Variants in TRPM3 observed in about 807,000 individuals in gnomAD.
The protein encoded by TRPM3 is transient receptor potential cation channel subfamily M member 3, also known as long transient receptor potential channel 3.
Under a neutral mutation model 181.2 loss-of-function variants are expected in TRPM3, and 77 were observed. The ratio of observed to expected loss-of-function variants is 0.42; its 90% CI spans 0.35 to 0.51. TRPM3 has a LOEUF of 0.51. Among genes scored for constraint, TRPM3 ranks in the 20% least tolerant of loss-of-function variants. The pLI, the probability that TRPM3 is intolerant of heterozygous loss-of-function variation, is 0.01. For synonymous variants in TRPM3, 745 were observed against 796.4 expected (o/e 0.94, Z 1.09); for missense variants, 1,759 against 2,196.7 (o/e 0.80, Z 3.98).
chr9:70,846,018 T>C (rs879421375), intron 4 of TRPM3, among the ~76,000 whole-genome samples: 2 of 152,190 alleles, frequency 1.3e-5, no homozygotes, highest in Non-Finnish European at 2.9e-5. Flanking sequence ...AAACTTGAAA[T>C]TGTGTAAAGG....
At chr9:70,558,798 C>T (rs1467461634) in intron 22 of TRPM3, among the ~76,000 whole-genome samples, 1 of 152,174 alleles carries the variant, frequency 6.6e-6, no homozygotes, top group East Asian at 1.9e-4. Flanking sequence ...TACATCTATG[C>T]AGCAGTGGCA....
At chr9:71,204,947 G>A (rs557884205) in intron 1 of TRPM3, among the ~76,000 whole-genome samples, 11 of 152,114 alleles carry the variant, frequency 7.2e-5, no homozygotes, top group South Asian at 4.2e-4. Context: ...ATCATTCTCC[G>A]TAAACTATCG....
intron 1 of TRPM3, among the ~76,000 whole-genome samples, chr9:71,070,838 GCTT>G (rs2062667902): frequency 6.6e-6 from 1 of 152,122 alleles, no homozygotes; most frequent in Admixed American, 6.5e-5. Flanking sequence ...TGGGGCTGGA[GCTT>G]TTTTCAACAC....
intron 9 of TRPM3, among the ~76,000 whole-genome samples, chr9:70,667,599 G>A (rs545212729): frequency 6.6e-6 from 1 of 152,300 alleles, no homozygotes; most frequent in African/African-American, 2.4e-5. Context: ...GCTTTGCAGA[G>A]TAGAGGAGAG....
At chr9:71,372,097 A>C (rs1231348742) in intron 1 of TRPM3, among the ~76,000 whole-genome samples, 1 of 152,058 alleles carries the variant, frequency 6.6e-6, no homozygotes, top group Non-Finnish European at 1.5e-5. Flanking sequence ...CTGTTACTGC[A>C]TTAGTTTGCT....
chr9:70,651,450 T>C (rs2059587648), intron 9 of TRPM3, among the ~76,000 whole-genome samples: 1 of 152,214 alleles, frequency 6.6e-6, no homozygotes, highest in African/African-American at 2.4e-5. Flanking sequence ...CCTGTAAGCA[T>C]GGCTTATCTG....
chr9:71,411,096 C>T (rs927326182), intron 1 of TRPM3, among the ~76,000 whole-genome samples: 8 of 152,158 alleles, frequency 5.3e-5, no homozygotes, highest in Admixed American at 1.3e-4. Context: ...ATTGATGGGA[C>T]GTATTTCAAA....
chr9:70,602,876 C>T (rs17055375), intron 20 of TRPM3, among the ~76,000 whole-genome samples: 2,509 of 152,216 alleles, frequency 0.016, 73 homozygotes, highest in African/African-American at 0.055. Flanking sequence ...CCAGCAGGTA[C>T]GAGCAGAATG....
chr9:70,652,742 A>G (rs1360610465), intron 9 of TRPM3, among the ~76,000 whole-genome samples: 1 of 152,220 alleles, frequency 6.6e-6, no homozygotes, highest in African/African-American at 2.4e-5. Context: ...AGTTGCCAGA[A>G]GAAGTGGATA....
At chr9:70,771,301 T>A (rs2080208070) in intron 7 of TRPM3, among the ~76,000 whole-genome samples, 1 of 152,150 alleles carries the variant, frequency 6.6e-6, no homozygotes, top group Non-Finnish European at 1.5e-5. Flanking sequence ...GGATGAAGGA[T>A]CCAAGGTCTG....
At position 71,277,566 on chromosome 9, in the gene TRPM3, G is replaced by A. The variant is rs139656308; in HGVS notation, c.183+169087C>T. ...TTAACTGATTTAAAAAAAAGATGTG[G>A]ACAACAAAGAATATTACAAGGTGGC... On this transcript the variant is annotated intron_variant, in intron 1 of 24. Transcript: ENST00000357533. Among the ~76,000 whole-genome samples the A allele has an allele frequency of 3.2e-4, 48 of 152,078 alleles. No individual in the cohort carries two copies. In the East Asian group the frequency reaches 5.6e-3, roughly 18 times the overall value.
intron 1 of TRPM3, among the ~76,000 whole-genome samples, chr9:70,888,359 TGG>T (rs1456519480): frequency 9.6e-6 from 1 of 104,500 alleles, no homozygotes; most frequent in Non-Finnish European, 1.9e-5. Context: ...GCTTTTATTT[TGG>T]GGTGTGTGTG....
chr9:71,127,549 A>G (rs1587522649), intron 1 of TRPM3, among the ~76,000 whole-genome samples: 1 of 152,164 alleles, frequency 6.6e-6, no homozygotes, highest in Admixed American at 6.5e-5. Context: ...CAGTGATACA[A>G]CTTCTCAGAG....
chr9:71,068,358 G>T (rs1213334774), intron 1 of TRPM3, among the ~76,000 whole-genome samples: 1 of 152,170 alleles, frequency 6.6e-6, no homozygotes, highest in Non-Finnish European at 1.5e-5. Flanking sequence ...GAGATACTCT[G>T]CTTCCTGCTT....
chr9:71,020,208 T>C, intron 1 of TRPM3, among the ~76,000 whole-genome samples: 1 of 151,976 alleles, frequency 6.6e-6, no homozygotes, highest in South Asian at 2.1e-4. Context: ...AATGTCTGCC[T>C]GTAATCCCAG....
chr9:71,072,442 T>G (rs191422214), intron 1 of TRPM3, among the ~76,000 whole-genome samples: 52 of 152,286 alleles, frequency 3.4e-4, no homozygotes, highest in African/African-American at 1.2e-3. Flanking sequence ...ATCTCCCATT[T>G]AAATCACCTA....
At chr9:70,737,577 A>G (rs1350020281) in intron 8 of TRPM3, among the ~76,000 whole-genome samples, 1 of 117,550 alleles carries the variant, frequency 8.5e-6, no homozygotes, top group Non-Finnish European at 1.8e-5. Flanking sequence ...ATTAAAAGAC[A>G]CAGAATGGAT....
chr9:71,198,444 T>A (rs2078541843), intron 1 of TRPM3, among the ~76,000 whole-genome samples: 1 of 152,182 alleles, frequency 6.6e-6, no homozygotes. Flanking sequence ...TGGCATTAAA[T>A]CTATAAATTA....
intron 1 of TRPM3, among the ~76,000 whole-genome samples, chr9:71,209,757 T>C (rs116536457): frequency 3.9e-5 from 6 of 152,316 alleles, no homozygotes; most frequent in African/African-American, 1.4e-4. Flanking sequence ...AAGAAGAATG[T>C]TTCATGGTAC....
Sources: allele counts gnomAD v4.1 joint callset (sites outside exome capture counted in the v4.1 genomes callset), GRCh38; gene constraint gnomAD v4.1.1; transcripts MANE v1.5; gene names NCBI Gene and HGNC (gene_info 2026-07-23, HGNC 2026-07-21).